Variants in RUFY3 observed in about 807,000 individuals in gnomAD.
The protein encoded by RUFY3 is protein RUFY3.
RUFY3 carries 34 observed loss-of-function variants against 84.0 expected under a neutral mutation model. That is an observed-to-expected ratio of 0.40 (90% CI 0.31 to 0.54). The LOEUF is 0.54. Ranked by LOEUF, RUFY3 falls within the 20% of genes least tolerant of loss-of-function variation. RUFY3 has a pLI of 0.39. For missense variants in RUFY3, 507 were observed against 736.8 expected (o/e 0.69, Z 3.61); for synonymous variants, 242 against 252.9 (o/e 0.96, Z 0.41).
intron 1 of RUFY3, among the ~76,000 whole-genome samples, chr4:70,729,271 T>G (rs942243901): frequency 6.6e-6 from 1 of 152,150 alleles, no homozygotes; most frequent in African/African-American, 2.4e-5. Context: ...TTTTGTTTTT[T>G]TTTGAGACAG....
chr4:70,787,190 AT>A (rs1560554942), intron 10 of RUFY3, among the ~76,000 whole-genome samples: 3,002 of 63,888 alleles, frequency 0.047, 68 homozygotes, highest in East Asian at 0.11. Context: ...AAAAAAAAAT[AT>A]ATATATATAT....
In RUFY3 at chr4:70,779,817, G is replaced by T. The variant is rs1268293259; in HGVS notation, c.894+1379G>T. Among the ~76,000 whole-genome samples the T allele has an allele frequency of 3.3e-5, 5 of 151,878 alleles. No homozygotes were observed. The South Asian group carries it at 8.3e-4, about 25-fold the overall frequency. ...CTGAACTGCTGAGCTCAAGTGACCC[G>T]CCTGCCTCGGCCTTCCAAAGTGCTA... On this transcript the variant is annotated intron_variant, in intron 8 of 17. Transcript: ENST00000381006.
Position 70,722,610 on chromosome 4 carries a change from C to T in RUFY3, c.37C>T (p.Pro13Ser), listed in dbSNP as rs936610615. Residue 13 changes from proline (P) to serine (S), a missense_variant, in exon 1 of 18, where the codon CCC becomes TCC. By Grantham distance (74) the Pro-to-Ser change is moderately conservative (BLOSUM62 -1). Around this residue, in one of 4 missense-constraint regions of RUFY3, gnomAD observed 133 missense variants for 301.1 expected, o/e 0.44. Coordinates refer to ENST00000381006, the MANE Select transcript of RUFY3 (RefSeq NM_001037442.4). ...GACGCCTCCGACCGATATGCCAACC[C>T]CCACCACTGACAAGATCACACAGGC... ...ALTPPTDMPTPTTDKITQAAM... is the reference protein window; with the variant it reads ...ALTPPTDMPTSTTDKITQAAM... 1.2e-6 allele frequency: 2 copies of T among 1,613,582 alleles called. No homozygotes were observed. Among genetic ancestry groups the T allele is most frequent in the Non-Finnish European group, 1.7e-6 (2 of 1,179,962 alleles).
intron 1 of RUFY3, among the ~76,000 whole-genome samples, chr4:70,760,091 T>G (rs1471578480): frequency 6.6e-6 from 1 of 152,216 alleles, no homozygotes; most frequent in Non-Finnish European, 1.5e-5. Context: ...TTGTAGCACC[T>G]TACTAATGGA....
At chr4:70,705,219 C>G in exon 1 of RUFY3, 1 of 1,461,790 alleles carries the variant, frequency 6.8e-7, no homozygotes, top group Non-Finnish European at 9.0e-7. Context: ...CCCGCCGTCC[C>G]CCGGCTCACC....
At chr4:70,734,406 AT>A (rs1413667853) in intron 1 of RUFY3, 27 of 985,260 alleles carry the variant, frequency 2.7e-5, no homozygotes, top group Non-Finnish European at 3.1e-5. Context: ...TCAGCCTTAG[AT>A]TTACACTGTC....
At chr4:70,706,331 G>A (rs2148548346) in intron 1 of RUFY3, among the ~76,000 whole-genome samples, 2 of 152,232 alleles carry the variant, frequency 1.3e-5, no homozygotes. Context: ...AAATCTTTTA[G>A]CTGCTCTGCC....
At chr4:70,726,393 G>A (rs987305583) in intron 1 of RUFY3, among the ~76,000 whole-genome samples, 15 of 151,744 alleles carry the variant, frequency 9.9e-5, no homozygotes, top group African/African-American at 3.1e-4. Context: ...AGACAGTTTC[G>A]CTCTTATTGC....
chr4:70,757,778 G>A (rs866455107), intron 1 of RUFY3, among the ~76,000 whole-genome samples: 1 of 151,798 alleles, frequency 6.6e-6, no homozygotes. Context: ...TTGATGGCAG[G>A]GACTAAGTCT....
At chr4:70,711,899 A>G (rs889788368) in intron 1 of RUFY3, among the ~76,000 whole-genome samples, 2 of 152,074 alleles carry the variant, frequency 1.3e-5, no homozygotes, top group African/African-American at 4.8e-5. Context: ...TTCCCAGCCA[A>G]TTCTCCCCTT....
chr4:70,741,628 C>T, intron 1 of RUFY3: 1 of 1,523,606 alleles, frequency 6.6e-7, no homozygotes, highest in Non-Finnish European at 8.8e-7. Context: ...TTTGCAAAGA[C>T]TCTTGGGAGG....
At chr4:70,762,192 A>G (rs78095425) in intron 1 of RUFY3, among the ~76,000 whole-genome samples, 6,512 of 152,234 alleles carry the variant, frequency 0.043, 312 homozygotes, top group East Asian at 0.2. Context: ...GCGTGCGCCT[A>G]TAGTTCCAGC....
chr4:70,719,901 TTGAA>T (rs542876190), upstream of RUFY3, among the ~76,000 whole-genome samples: 4 of 152,090 alleles, frequency 2.6e-5, no homozygotes, highest in Non-Finnish European at 5.9e-5. Context: ...TGAATATCTG[TTGAA>T]TGAATGAATG....
At chr4:70,771,819 G>C (rs774208389) in intron 5 of RUFY3, among the ~76,000 whole-genome samples, 5 of 152,100 alleles carry the variant, frequency 3.3e-5, no homozygotes, top group Non-Finnish European at 7.4e-5. Flanking sequence ...CATGAGCCAT[G>C]GCGCCTGGCC....
chr4:70,721,636 A>G (rs1742310771), upstream of RUFY3, among the ~76,000 whole-genome samples: 1 of 152,194 alleles, frequency 6.6e-6, no homozygotes, highest in Admixed American at 6.5e-5. Context: ...TTTAATAGCT[A>G]TGTAGATAAG....
chr4:70,711,819 A>C (rs1741029204), intron 1 of RUFY3, among the ~76,000 whole-genome samples: 1 of 152,122 alleles, frequency 6.6e-6, no homozygotes, highest in Admixed American at 6.6e-5. Context: ...CTTCCTCACG[A>C]CTAAACACTC....
chr4:70,756,817 C>G (rs1724101573), intron 1 of RUFY3, among the ~76,000 whole-genome samples: 1 of 152,154 alleles, frequency 6.6e-6, no homozygotes, highest in Non-Finnish European at 1.5e-5. Flanking sequence ...CAGTACTTCT[C>G]AGTCTTCTCC....
At chr4:70,779,452 A>G (rs1728528953) in intron 8 of RUFY3, among the ~76,000 whole-genome samples, 1 of 152,198 alleles carries the variant, frequency 6.6e-6, no homozygotes, top group Admixed American at 6.5e-5. Context: ...CTTCTAATAA[A>G]AATATTTTTT....
chr4:70,766,596 AT>A (rs1420306602), intron 4 of RUFY3, among the ~76,000 whole-genome samples: 1 of 152,152 alleles, frequency 6.6e-6, no homozygotes, highest in African/African-American at 2.4e-5. Context: ...GTGGTTTTAA[AT>A]TTATAGCAAT....
Sources: allele counts gnomAD v4.1 joint callset (sites outside exome capture counted in the v4.1 genomes callset), GRCh38; gene constraint gnomAD v4.1.1; regional missense constraint gnomAD v4.1.1; transcripts MANE v1.5; gene names NCBI Gene and HGNC (gene_info 2026-07-23, HGNC 2026-07-21).